Variants in JAML observed in about 807,000 individuals in gnomAD.
JAML encodes the protein junction adhesion molecule like.
A neutral mutation model predicts 39.3 loss-of-function variants in JAML; 25 were observed. The ratio of observed to expected loss-of-function variants is 0.64; its 90% CI spans 0.46 to 0.89. The LOEUF (loss-of-function observed/expected upper bound fraction) is 0.89. Ranked by LOEUF, JAML falls within the 40% of genes least tolerant of loss-of-function variation. The pLI is 0.00. For synonymous variants in JAML, 162 were observed against 179.2 expected, an observed-to-expected ratio of 0.90 and a Z score of 0.77; for missense variants, 440 against 486.9, an observed-to-expected ratio of 0.90 and a Z score of 0.91.
intron 1 of JAML, among the ~76,000 whole-genome samples, chr11:118,215,104 T>G (rs1949122954): frequency 6.6e-6 from 1 of 151,978 alleles, no homozygotes; most frequent in Non-Finnish European, 1.5e-5. Flanking sequence ...AATAAGAAAA[T>G]ACCAGATGTC....
chr11:118,212,295 C>T (rs1443610641), intron 3 of JAML, 112 bp downstream of exon 3: 2 of 1,356,796 alleles, frequency 1.5e-6, no homozygotes, highest in East Asian at 4.7e-5. Flanking sequence ...CTCCAAAGCC[C>T]CGGCTCTTGC....
At chr11:118,205,354 T>A (rs1805) in intron 5 of JAML, 1 of 153,018 alleles carries the variant, frequency 6.5e-6, no homozygotes, top group Non-Finnish European at 1.5e-5. Flanking sequence ...CTTTATAGAG[T>A]TCCCGTAAAA....
Position 118,210,635 on chromosome 11 carries a change from C to T in JAML, c.276G>A (p.Gly92=). ...GRFQNRVHLM[G]DILCNDGSLL... The stretch of plus-strand genomic sequence containing the variant: ...GAGAGCCATCATTGCATAAGATGTC[C>T]CCCATCAAGTGTACGCGGTTCTGGA... Residue 92 remains glycine, a synonymous_variant, in exon 4 of 10, where the codon GGG becomes GGA. Transcript: ENST00000356289. The T allele has an allele frequency of 6.2e-7, 1 of 1,614,184 alleles. No homozygotes were observed. The highest frequency in any genetic ancestry group is 8.5e-7 in the Non-Finnish European group (1 of 1,180,012).
chr11:118,208,180 G>A (rs926694504), intron 4 of JAML, among the ~76,000 whole-genome samples: 1 of 151,962 alleles, frequency 6.6e-6, no homozygotes, highest in African/African-American at 2.4e-5. Context: ...ACAGTGAGCC[G>A]TGATCATACC....
intron 1 of JAML, 78 bp from the exon 2 acceptor site, chr11:118,214,964 A>G (rs371561048): frequency 3.4e-5 from 44 of 1,307,136 alleles, no homozygotes; most frequent in East Asian, 2.1e-4. Flanking sequence ...GTGAAGGACT[A>G]TACGGAGCAG....
At chr11:118,211,458 T>C (rs1406082041) in intron 3 of JAML, among the ~76,000 whole-genome samples, 2 of 152,088 alleles carry the variant, frequency 1.3e-5, no homozygotes, top group Non-Finnish European at 2.9e-5. Context: ...ATGTTGCCCA[T>C]GCTGGTCTCA....
At chr11:118,214,129 AGAACTACATCC>A (rs1310224325) in intron 2 of JAML, among the ~76,000 whole-genome samples, 1 of 152,238 alleles carries the variant, frequency 6.6e-6, no homozygotes, top group African/African-American at 2.4e-5. Flanking sequence ...TTCTCCTTCC[AGAACTACATCC>A]ATGGGATAAA....
chr11:118,207,090 G>A (rs1200288695), intron 4 of JAML, among the ~76,000 whole-genome samples: 2 of 152,106 alleles, frequency 1.3e-5, no homozygotes, highest in Admixed American at 6.6e-5. Context: ...AAAATATTAT[G>A]AACTCTAAAA....
intron 5 of JAML, 73 bp from the exon 6 acceptor site, chr11:118,203,738 G>T: frequency 7.6e-7 from 1 of 1,311,096 alleles, no homozygotes; most frequent in East Asian, 2.3e-5. Flanking sequence ...AATGGGGGAG[G>T]GAAGATCTCA....
At chr11:118,206,013 A>C in intron 4 of JAML, 22 bp from the exon 5 acceptor site, 1 of 1,573,934 alleles carries the variant, frequency 6.4e-7, no homozygotes, top group Non-Finnish European at 8.7e-7. Flanking sequence ...ACAGTAAATC[A>C]AGTCAGACTC....
In JAML at chr11:118,200,483, C is replaced by G; in HGVS notation, c.902G>C (p.Gly301Ala). 1.2e-6 allele frequency: 2 copies of G among 1,614,084 alleles called. No homozygotes were observed. The highest frequency in any genetic ancestry group is 1.7e-6 in the Non-Finnish European group (2 of 1,180,004). ...VLILIVKKTC[G>A]NKSSVNSTVL... Reference sequence around the variant, plus strand: ...GGGGGTAGCCCTGTACCTCTTATTTCCACAGGTCTTCTTCACGATCAATAT... The same window carrying G: ...GGGGGTAGCCCTGTACCTCTTATTTGCACAGGTCTTCTTCACGATCAATAT... Residue 301 changes from glycine to alanine, a missense_variant, in exon 7 of 10, where the codon GGA (glycine) becomes GCA (alanine). Gly to Ala is a moderately conservative substitution (Grantham distance 60). Transcript: ENST00000356289.
intron 7 of JAML, among the ~76,000 whole-genome samples, chr11:118,199,731 C>G (rs1948738260): frequency 7.1e-6 from 1 of 140,256 alleles, no homozygotes; most frequent in South Asian, 2.2e-4. Context: ...GAGTCTCGCT[C>G]TGTCACCCAG....
intron 3 of JAML, among the ~76,000 whole-genome samples, chr11:118,212,095 G>C (rs771902198): frequency 2.0e-5 from 3 of 152,182 alleles, no homozygotes; most frequent in Non-Finnish European, 4.4e-5. Context: ...GCAAGAACAA[G>C]GAACCTCTCA....
chr11:118,209,400 C>A (rs1350768653), intron 4 of JAML, among the ~76,000 whole-genome samples: 2 of 152,192 alleles, frequency 1.3e-5, no homozygotes, highest in Non-Finnish European at 2.9e-5. Context: ...CCCGCTCTTA[C>A]CCTTCATGTT....
chr11:118,211,491 C>T (rs1354547274), intron 3 of JAML, among the ~76,000 whole-genome samples: 2 of 152,042 alleles, frequency 1.3e-5, no homozygotes, highest in Non-Finnish European at 2.9e-5. Flanking sequence ...CAAGTGATCA[C>T]CCCGCCTCAG....
intron 8 of JAML, 59 bp from the exon 9 acceptor site, chr11:118,196,880 GA>G: frequency 7.0e-7 from 1 of 1,425,434 alleles, no homozygotes; most frequent in Non-Finnish European, 9.9e-7. Flanking sequence ...ATACACCAGA[GA>G]AAAGGCCACC....
At position 118,222,252 on chromosome 11, in the gene JAML, CA is replaced by C. The variant is rs904412612; in HGVS notation, c.-21+2688del. Among the ~76,000 whole-genome samples, 14 of 146,652 alleles carry C rather than the reference CA, an allele frequency of 9.5e-5. No homozygotes were observed. The South Asian group carries it at 1.7e-3, about 18-fold the overall frequency. On this transcript the variant is annotated intron_variant, in intron 1 of 9. Coordinates refer to ENST00000356289, the MANE Select transcript of JAML (RefSeq NM_001098526.2). The surrounding 1 kb of genome is among the most constrained non-coding windows in gnomAD (Gnocchi z 4.2). ...GCAACTTGGTGAAACACCATCTGAACAAAAAAAAAATACAAAAATTAGCTGG... is the reference window on the plus strand; with the variant it reads ...GCAACTTGGTGAAACACCATCTGAACAAAAAAAAATACAAAAATTAGCTGG...
intron 7 of JAML, among the ~76,000 whole-genome samples, chr11:118,198,674 T>TAAAAA (rs61119825): frequency 0.044 from 5,607 of 127,456 alleles, 332 homozygotes; most frequent in African/African-American, 0.14. Flanking sequence ...AAGTCAGAAC[T>TAAAAA]AAAAAAAAAA....
In JAML at chr11:118,194,187, T is replaced by C; in HGVS notation, c.*138A>G. ...TCTCTGCCAGGCTCCAAATTCTCCA[T>C]CTTCAGTGTATTGACCAAACAATGA... On this transcript the variant is annotated 3_prime_UTR_variant, in exon 10 of 10. Transcript: ENST00000356289. 1.4e-6 allele frequency: 1 copy of C among 739,268 alleles called. No individual in the cohort carries two copies. The highest frequency in any genetic ancestry group is 2.3e-6 in the Non-Finnish European group (1 of 428,102). 45.8% of individuals were successfully genotyped at this position (739,268 alleles called of 1,614,324 possible).
Sources: gnomAD v4.1 joint callset for allele counts (sites outside exome capture counted in the v4.1 genomes callset) on GRCh38, gnomAD v4.1.1 for gene constraint, Gnocchi (gnomAD v3.1) non-coding constraint, MANE v1.5 for transcripts, NCBI Gene and HGNC (gene_info 2026-07-23, HGNC 2026-07-21) for gene names.